NRG3: variants seen among roughly 807,000 people sequenced by gnomAD.
The protein encoded by NRG3 is neuregulin 3, also known as pro-neuregulin-3, membrane-bound isoform.
NRG3 carries 31 observed loss-of-function variants against 66.9 expected under a neutral mutation model. The ratio of observed to expected loss-of-function variants is 0.46; its 90% CI spans 0.35 to 0.63. NRG3 has a LOEUF of 0.63. Among genes scored for constraint, NRG3 ranks in the 20% least tolerant of loss-of-function variants. The pLI is 0.00. For missense variants in NRG3, 910 were observed against 878.9 expected, an observed-to-expected ratio of 1.04 and a Z score of -0.45; for synonymous variants, 393 against 359.4, an observed-to-expected ratio of 1.09 and a Z score of -1.06.
intron 2 of NRG3, among the ~76,000 whole-genome samples, chr10:82,636,876 T>C (rs950183275): frequency 2.6e-5 from 4 of 151,114 alleles, no homozygotes; most frequent in African/African-American, 7.3e-5. Flanking sequence ...GTGTTTGAGA[T>C]AGAGAATAAA....
intron 3 of NRG3, among the ~76,000 whole-genome samples, chr10:82,824,707 T>A (rs1475512877): frequency 5.3e-5 from 8 of 151,868 alleles, no homozygotes; most frequent in East Asian, 1.9e-4. Flanking sequence ...GCCCATTTTT[T>A]AATTATAGAC....
At chr10:82,276,165 G>A (rs1309046211) in intron 1 of NRG3, among the ~76,000 whole-genome samples, 1 of 151,748 alleles carries the variant, frequency 6.6e-6, no homozygotes, top group African/African-American at 2.4e-5. Flanking sequence ...GAACATAATG[G>A]ATACACACGA....
chr10:82,543,334 AGGGCTGAT>A (rs1272103503), intron 2 of NRG3, among the ~76,000 whole-genome samples: 1 of 152,156 alleles, frequency 6.6e-6, no homozygotes, highest in Non-Finnish European at 1.5e-5. Flanking sequence ...TAAAACATTC[AGGGCTGAT>A]GGGGCATCAT....
intron 1 of NRG3, among the ~76,000 whole-genome samples, chr10:82,150,686 C>CT (rs997613760): frequency 6.6e-6 from 1 of 152,128 alleles, no homozygotes; most frequent in African/African-American, 2.4e-5. Context: ...CAGAGGGCGC[C>CT]TGGACATTCC....
chr10:82,711,287 A>G (rs940228863), intron 2 of NRG3, among the ~76,000 whole-genome samples: 31 of 152,012 alleles, frequency 2.0e-4, no homozygotes, highest in Admixed American at 9.9e-4. Context: ...GAGCCCTGCC[A>G]TGTTGCCCAG....
chr10:82,228,548 G>T (rs570680803), intron 1 of NRG3, among the ~76,000 whole-genome samples: 1 of 152,054 alleles, frequency 6.6e-6, no homozygotes, highest in East Asian at 1.9e-4. Flanking sequence ...TTTTATTGGG[G>T]ATAGTATTAG....
At chr10:82,916,937 T>C (rs1845893058) in intron 4 of NRG3, among the ~76,000 whole-genome samples, 1 of 152,182 alleles carries the variant, frequency 6.6e-6, no homozygotes, top group Non-Finnish European at 1.5e-5. Flanking sequence ...AAATGCCCTC[T>C]AAATCATAAA....
intron 4 of NRG3, among the ~76,000 whole-genome samples, chr10:82,926,465 C>G (rs1284715972): frequency 6.6e-6 from 1 of 152,158 alleles, no homozygotes; most frequent in Non-Finnish European, 1.5e-5. Flanking sequence ...ATTCTGGTGA[C>G]CAAATAAATA....
At chr10:82,501,348 A>G (rs1422990963) in intron 2 of NRG3, among the ~76,000 whole-genome samples, 1 of 152,124 alleles carries the variant, frequency 6.6e-6, no homozygotes, top group East Asian at 1.9e-4. Flanking sequence ...CCGCAACAAG[A>G]GCAAACCTTT....
intron 3 of NRG3, among the ~76,000 whole-genome samples, chr10:82,772,515 A>C (rs567157924): frequency 6.6e-6 from 1 of 151,912 alleles, no homozygotes; most frequent in Non-Finnish European, 1.5e-5. Context: ...GTTTTATTCT[A>C]TATCTCTGTA....
At chr10:82,290,348 G>A (rs2079654023) in intron 1 of NRG3, among the ~76,000 whole-genome samples, 1 of 152,090 alleles carries the variant, frequency 6.6e-6, no homozygotes, top group Admixed American at 6.6e-5. Context: ...TAAACATGAA[G>A]TTTTCACATT....
intron 2 of NRG3, among the ~76,000 whole-genome samples, chr10:82,365,882 T>C (rs186525878): frequency 6.6e-6 from 1 of 152,378 alleles, no homozygotes. Context: ...TACCTTATTT[T>C]AATGTTTTCT....
At chr10:82,614,682 C>G (rs1353310164) in intron 2 of NRG3, among the ~76,000 whole-genome samples, 1 of 152,070 alleles carries the variant, frequency 6.6e-6, no homozygotes, top group Admixed American at 6.6e-5. Flanking sequence ...ACTTTTTACT[C>G]AGATCTCACA....
chr10:82,432,897 TATTGTA>T (rs1330728902), intron 2 of NRG3, among the ~76,000 whole-genome samples: 2 of 152,236 alleles, frequency 1.3e-5, no homozygotes, highest in African/African-American at 4.8e-5. Context: ...ATGTCTTTGC[TATTGTA>T]AATAGTGCAA....
intron 1 of NRG3, among the ~76,000 whole-genome samples, chr10:81,954,912 A>G (rs982415618): frequency 6.6e-6 from 1 of 151,970 alleles, no homozygotes; most frequent in East Asian, 1.9e-4. Flanking sequence ...CATAGCATTG[A>G]CTGTCTTGAT....
chr10:82,734,757 C>T (rs2058073235), intron 2 of NRG3, among the ~76,000 whole-genome samples: 1 of 152,074 alleles, frequency 6.6e-6, no homozygotes, highest in African/African-American at 2.4e-5. Context: ...TGGCTCACAC[C>T]TGTAAACCCA....
chr10:82,336,521 T>G (rs1487868186), intron 1 of NRG3, among the ~76,000 whole-genome samples: 3 of 145,128 alleles, frequency 2.1e-5, no homozygotes, highest in Non-Finnish European at 4.4e-5. Flanking sequence ...CTTTCTTTCT[T>G]TTCTTTTCTT....
chr10:82,648,265 G>T lies in NRG3; in HGVS notation c.954-90312G>T, dbSNP rs1435617715. ...AGCACCATTTATTAAATAGGGAATC[G>T]TTTCCCCATTGCTTGTTTTTGTCAG... On this transcript the variant is annotated intron_variant, in intron 2 of 8. Transcript: ENST00000372141. 3.3e-5 allele frequency among the ~76,000 whole-genome samples: 5 copies of T among 151,770 alleles called. No homozygotes were observed. In the East Asian group the frequency reaches 7.8e-4, roughly 24 times the overall value.
intron 1 of NRG3, among the ~76,000 whole-genome samples, chr10:82,070,035 A>G (rs2064715223): frequency 6.6e-6 from 1 of 152,198 alleles, no homozygotes; most frequent in African/African-American, 2.4e-5. Flanking sequence ...CAAGAAAATA[A>G]CAGATCGTAG....
Sources: allele counts gnomAD v4.1 joint callset (sites outside exome capture counted in the v4.1 genomes callset), GRCh38; gene constraint gnomAD v4.1.1; transcripts MANE v1.5; gene names NCBI Gene and HGNC (gene_info 2026-07-23, HGNC 2026-07-21).